Variants in MDFIC2 observed in about 807,000 individuals in gnomAD.
The protein encoded by MDFIC2 is MyoD family inhibitor domain containing 2, also known as myoD family inhibitor domain-containing protein 2.
At chr3:70,236,323 C>T (rs1701608643) in intron 2 of MDFIC2, among the ~76,000 whole-genome samples, 1 of 152,108 alleles carries the variant, frequency 6.6e-6, no homozygotes, top group Non-Finnish European at 1.5e-5. Flanking sequence ...TGATTATCTC[C>T]CCTTAATCCA....
chr3:70,287,779 A>T (rs887370619), intron 2 of MDFIC2, among the ~76,000 whole-genome samples: 1 of 151,214 alleles, frequency 6.6e-6, no homozygotes, highest in East Asian at 2.0e-4. Context: ...TTCCTGGTTT[A>T]GTCTTGGGAG....
At chr3:70,312,263 G>T (rs1319332789) in intron 1 of MDFIC2, among the ~76,000 whole-genome samples, 1 of 152,128 alleles carries the variant, frequency 6.6e-6, no homozygotes, top group African/African-American at 2.4e-5. Flanking sequence ...ACTAGCCATG[G>T]ATTTGTAAGA....
intron 2 of MDFIC2, among the ~76,000 whole-genome samples, chr3:70,298,744 T>C (rs1317974738): frequency 6.6e-6 from 1 of 152,156 alleles, no homozygotes; most frequent in Non-Finnish European, 1.5e-5. Context: ...TGAGTGCAGA[T>C]GAGGGGCTCT....
intron 2 of MDFIC2, among the ~76,000 whole-genome samples, chr3:70,267,466 G>A (rs1304435304): frequency 1.6e-5 from 2 of 127,482 alleles, no homozygotes; most frequent in African/African-American, 6.1e-5. Flanking sequence ...GCAGTGGCGC[G>A]ATCTCCGCTC....
chr3:70,221,755 A>T (rs1701462332), intron 2 of MDFIC2, among the ~76,000 whole-genome samples: 1 of 152,186 alleles, frequency 6.6e-6, no homozygotes, highest in African/African-American at 2.4e-5. Context: ...CTGTTGTCCC[A>T]ATCCTTGGGA....
At chr3:70,272,778 C>T (rs1037834716) in intron 2 of MDFIC2, among the ~76,000 whole-genome samples, 1 of 152,146 alleles carries the variant, frequency 6.6e-6, no homozygotes, top group Non-Finnish European at 1.5e-5. Context: ...TTCTTTCCTC[C>T]ATTGGAAAGC....
chr3:70,270,765 C>T (rs1358021199), intron 2 of MDFIC2, among the ~76,000 whole-genome samples: 1 of 152,142 alleles, frequency 6.6e-6, no homozygotes, highest in Non-Finnish European at 1.5e-5. Flanking sequence ...AACCATCATT[C>T]TCAGCAAACT....
chr3:70,299,274 A>C (rs370446833), intron 2 of MDFIC2, among the ~76,000 whole-genome samples: 3 of 152,204 alleles, frequency 2.0e-5, no homozygotes, highest in Non-Finnish European at 4.4e-5. Flanking sequence ...AAAACATGCT[A>C]TTAAAATATT....
At chr3:70,275,651 A>G (rs1702017688) in intron 2 of MDFIC2, among the ~76,000 whole-genome samples, 1 of 152,208 alleles carries the variant, frequency 6.6e-6, no homozygotes, top group South Asian at 2.1e-4. Context: ...TCAACCTCCC[A>G]CGCCTCAGCT....
intron 2 of MDFIC2, among the ~76,000 whole-genome samples, chr3:70,308,522 C>G (rs1702424646): frequency 6.6e-6 from 1 of 152,106 alleles, no homozygotes; most frequent in South Asian, 2.1e-4. Flanking sequence ...TTTCCTAGAT[C>G]TCTTTGACAC....
intron 2 of MDFIC2, among the ~76,000 whole-genome samples, chr3:70,230,915 T>C (rs6775601): frequency 0.45 from 68,412 of 151,930 alleles, 15,926 homozygotes; most frequent in East Asian, 0.86. Context: ...AAAGGCAAAC[T>C]TCCACTTTTC....
intron 2 of MDFIC2, among the ~76,000 whole-genome samples, chr3:70,277,486 T>A (rs1045906430): frequency 1.3e-5 from 2 of 152,156 alleles, no homozygotes; most frequent in African/African-American, 4.8e-5. Flanking sequence ...CTTGATAATA[T>A]TTAGAATAAG....
rs532185607 is a variant in MDFIC2, at chr3:70,301,946, A to T, written c.88+9940T>A. ...TTTCTTCTGTTGTCTGTTGTTTGAG[A>T]TTAGAAATCATGAAGCACTTTTCTT... On this transcript the variant is annotated intron_variant, in intron 2 of 3. Coordinates refer to ENST00000567252, the MANE Select transcript of MDFIC2 (RefSeq NM_001364677.1). Among the ~76,000 whole-genome samples the T allele has an allele frequency of 7.2e-5, 11 of 152,228 alleles. No homozygotes were observed. In the South Asian group the frequency reaches 2.1e-3, roughly 29 times the overall value.
intron 2 of MDFIC2, among the ~76,000 whole-genome samples, chr3:70,302,224 C>T (rs908934117): frequency 6.6e-6 from 1 of 152,058 alleles, no homozygotes; most frequent in African/African-American, 2.4e-5. Flanking sequence ...AGAGTGATGT[C>T]TTCATTTGCT....
rs138199018 is a variant in MDFIC2 at position 70,272,634 on chromosome 3, C to G, written c.88+39252G>C. Reference sequence around the variant, plus strand: ...GGTAAATACCTAGGAGTAGAATTGCCCAGTCGAATGGCAGGTGTATGTTTA... The same window carrying G: ...GGTAAATACCTAGGAGTAGAATTGCGCAGTCGAATGGCAGGTGTATGTTTA... On this transcript the variant is annotated intron_variant, in intron 2 of 3. Transcript: ENST00000567252. Among the ~76,000 whole-genome samples, 6 of 152,168 alleles carry G rather than the reference C, an allele frequency of 3.9e-5. No homozygotes were observed. The East Asian group carries it at 1.2e-3, about 29-fold the overall frequency.
At chr3:70,203,549 A>T (rs544787785) in intron 3 of MDFIC2, among the ~76,000 whole-genome samples, 12 of 152,238 alleles carry the variant, frequency 7.9e-5, no homozygotes, top group African/African-American at 2.9e-4. Flanking sequence ...ATACTAAGTA[A>T]ATTTGGGCTT....
chr3:70,242,807 T>C (rs1701675312), intron 2 of MDFIC2, among the ~76,000 whole-genome samples: 1 of 152,186 alleles, frequency 6.6e-6, no homozygotes, highest in Non-Finnish European at 1.5e-5. Context: ...CAAGCATTGG[T>C]AATCTAATTT....
chr3:70,274,454 T>C (rs1178686266), intron 2 of MDFIC2, among the ~76,000 whole-genome samples: 1 of 151,610 alleles, frequency 6.6e-6, no homozygotes, highest in Non-Finnish European at 1.5e-5. Flanking sequence ...TTACAAGATA[T>C]ATTTGAAAAG....
intron 2 of MDFIC2, among the ~76,000 whole-genome samples, chr3:70,299,832 G>T (rs908593704): frequency 3.3e-5 from 5 of 151,892 alleles, no homozygotes; most frequent in African/African-American, 1.2e-4. Flanking sequence ...ATATTTTATG[G>T]CTTCCCTTTG....
Sources: gnomAD v4.1 joint callset for allele counts (sites outside exome capture counted in the v4.1 genomes callset) on GRCh38, gnomAD v4.1.1 for gene constraint, MANE v1.5 for transcripts, NCBI Gene and HGNC (gene_info 2026-07-23, HGNC 2026-07-21) for gene names.